The following ZNF439 variants were observed in gnomAD, a reference collection of about 807,000 sequenced individuals.
ZNF439 encodes the protein zinc finger protein 439.
Under a neutral mutation model 47.3 loss-of-function variants are expected in ZNF439, and 40 were observed. That is an observed-to-expected ratio of 0.85 (90% CI 0.66 to 1.10). The LOEUF (loss-of-function observed/expected upper bound fraction) is 1.10, where lower values mean the gene tolerates loss of function less well. Among genes scored for constraint, ZNF439 ranks in the 50% least tolerant of loss-of-function variants. The pLI is 0.00. For synonymous variants in ZNF439, 171 were observed against 198.8 expected, an observed-to-expected ratio of 0.86 and a Z score of 1.18; for missense variants, 556 against 601.1, an observed-to-expected ratio of 0.93 and a Z score of 0.78.
At chr19:11,849,178 C>G in intron 1 of ZNF439, 1 of 1,074,400 alleles carries the variant, frequency 9.3e-7, no homozygotes, top group Non-Finnish European at 1.1e-6. Context: ...GCCCGCAGCC[C>G]GACGCCCCAG....
intron 1 of ZNF439, chr19:11,849,488 G>GT (rs1976171703): frequency 5.3e-6 from 1 of 188,432 alleles, no homozygotes. Flanking sequence ...GCAGCCTGGA[G>GT]TAAGTGGTCC....
At chr19:11,863,682 T>G (rs1976600671) in intron 1 of ZNF439, among the ~76,000 whole-genome samples, 1 of 152,196 alleles carries the variant, frequency 6.6e-6, no homozygotes, top group South Asian at 2.1e-4. Flanking sequence ...TTTTTTGTGT[T>G]GTGTGTGAAA....
intron 1 of ZNF439, 73 bp from the exon 2 acceptor site, chr19:11,866,132 C>T (rs371541283): frequency 2.5e-5 from 40 of 1,597,256 alleles, no homozygotes; most frequent in Middle Eastern, 3.4e-4. Flanking sequence ...CTGAGAACTT[C>T]TTGGGAATAG....
chr19:11,860,158 T>G (rs1308805020), intron 1 of ZNF439, among the ~76,000 whole-genome samples: 1 of 152,158 alleles, frequency 6.6e-6, no homozygotes, highest in African/African-American at 2.4e-5. Context: ...AGTAAAACTT[T>G]AAGCAACTGC....
rs146335865 is a variant in ZNF439, at chr19:11,851,337, C to T, written c.63+2407C>T. 1.2e-4 allele frequency among the ~76,000 whole-genome samples: 18 copies of T among 152,306 alleles called. No individual in the cohort carries two copies. In the East Asian group the frequency reaches 3.5e-3, roughly 29 times the overall value. On this transcript the variant is annotated intron_variant, in intron 1 of 3. Transcript: ENST00000682736. ...AAACTATCCTTTACATTTTAGTGCA[C>T]AAGTGCATTAAAGCATAACTATAAT...
At chr19:11,856,420 T>C (rs1378622901) in intron 1 of ZNF439, 1 of 152,198 alleles carries the variant, frequency 6.6e-6, no homozygotes, top group African/African-American at 2.4e-5. Context: ...CCGTTTTTAA[T>C]TGTTTAGGGA....
intron 1 of ZNF439, among the ~76,000 whole-genome samples, chr19:11,859,852 GGTACT>G (rs1218621641): frequency 6.6e-6 from 1 of 152,054 alleles, no homozygotes; most frequent in Non-Finnish European, 1.5e-5. Context: ...ATTTTCAGTT[GGTACT>G]GTGGGTGGGA....
Position 11,868,894 on chromosome 19 carries a change from G to A in ZNF439, c.*325G>A, listed in dbSNP as rs1042464727. ...CATGAAAGTTGCACAGAGGAGAGGC[G>A]CCCTAAGAATGTAAGCATTGTGGGA... On this transcript the variant is annotated 3_prime_UTR_variant, in exon 4 of 4. Coordinates refer to ENST00000682736, the MANE Select transcript of ZNF439 (RefSeq NM_001348719.2). 3.7e-5 allele frequency: 13 copies of A among 354,046 alleles called. No individual in the cohort carries two copies. The highest frequency in any genetic ancestry group is 6.1e-5 in the Non-Finnish European group (11 of 180,450). The allele number at this position is 354,046 out of a possible 1,614,324, so 21.9% of individuals were successfully genotyped here.
chr19:11,868,230 T>TTACA lies in ZNF439; in HGVS notation c.1176_1177insTACA (p.Gly393TyrfsTer3), dbSNP rs1976762657. 1 of 1,613,976 alleles carries TTACA rather than the reference T, an allele frequency of 6.2e-7. No individual in the cohort carries two copies. The highest frequency in any genetic ancestry group is 1.3e-5 in the African/African-American group (1 of 74,900). ...AGAAACCGTATAAATGCAAGCAATG[T>TTACA]GGTAAAGCCTTCACTCGTTCCGGTT... is the stretch of plus-strand genomic sequence containing the variant. On this transcript the variant is annotated frameshift_variant, in exon 4 of 4. Transcript: ENST00000682736. LOFTEE classifies it high-confidence loss of function.
At position 11,867,771 on chromosome 19, in the gene ZNF439, A is replaced by G. The variant is rs1568261917; in HGVS notation, c.717A>G (p.Arg239=). The G allele has an allele frequency of 1.5e-5, 24 of 1,614,150 alleles. No individual in the cohort carries two copies. Among genetic ancestry groups the G allele is most frequent in the Non-Finnish European group, 2.0e-5 (24 of 1,180,008 alleles). ...TCAGTTTATATCTTATCCATGAAAG[A>G]ACTCACACTGGAGAGAAACCGTATG... ...HCLSLYLIHE[R]THTGEKPYEC... The change falls in exon 4 of 4, where the codon AGA becomes AGG. Residue 239 remains arginine, a synonymous_variant. Coordinates refer to ENST00000682736, the MANE Select transcript of ZNF439 (RefSeq NM_001348719.2).
At chr19:11,859,098 A>G (rs1280573467) in intron 1 of ZNF439, among the ~76,000 whole-genome samples, 3 of 152,164 alleles carry the variant, frequency 2.0e-5, no homozygotes, top group Non-Finnish European at 4.4e-5. Flanking sequence ...TTTACAATCT[A>G]CGTTTGCATT....
chr19:11,857,921 T>C (rs1310278596), intron 1 of ZNF439: 8 of 152,184 alleles, frequency 5.3e-5, no homozygotes, highest in Non-Finnish European at 7.3e-5. Context: ...GAATAACTGA[T>C]GTAAGATTTG....
chr19:11,864,921 C>T (rs968848422), intron 1 of ZNF439, among the ~76,000 whole-genome samples: 1 of 151,946 alleles, frequency 6.6e-6, no homozygotes, highest in Non-Finnish European at 1.5e-5. Context: ...GCTGGGATTA[C>T]AGGCATGCGC....
chr19:11,859,797 A>T (rs1188578581), intron 1 of ZNF439, among the ~76,000 whole-genome samples: 1 of 152,032 alleles, frequency 6.6e-6, no homozygotes, highest in Admixed American at 6.6e-5. Flanking sequence ...CTGCTATTGG[A>T]GGGGGCGGTA....
intron 1 of ZNF439, among the ~76,000 whole-genome samples, chr19:11,852,175 C>T (rs1189327015): frequency 6.6e-6 from 1 of 152,122 alleles, no homozygotes; most frequent in East Asian, 1.9e-4. Flanking sequence ...CCTGTAACCC[C>T]AGCACTTTGG....
In ZNF439 at chr19:11,867,470, C is replaced by G; in HGVS notation, c.416C>G (p.Ser139Cys). The G allele has an allele frequency of 6.2e-7, 1 of 1,614,118 alleles. No individual in the cohort carries two copies. The highest frequency in any genetic ancestry group is 8.5e-7 in the Non-Finnish European group (1 of 1,180,016). Residue 139 changes from serine (S) to cysteine (C), a missense_variant, in exon 4 of 4, where the codon TCT (serine) becomes TGT (cysteine). Coordinates refer to ENST00000682736, the MANE Select transcript of ZNF439 (RefSeq NM_001348719.2). ...TGTGAAGTTGGCCTAGGTAACTCATCTTCTAATATGAACATCAGAGGTGAC... is the reference window on the plus strand; with the variant it reads ...TGTGAAGTTGGCCTAGGTAACTCATGTTCTAATATGAACATCAGAGGTGAC... ...FVCEVGLGNSSSNMNIRGDTG... is the reference protein window; with the variant it reads ...FVCEVGLGNSCSNMNIRGDTG...
rs1259713812 is a variant in ZNF439, at chr19:11,866,300, G to A, written c.159G>A (p.Met53Ile). The A allele has an allele frequency of 1.9e-6, 3 of 1,614,020 alleles. No individual in the cohort carries two copies. The African/African-American group carries it at 4.0e-5, about 22-fold the overall frequency. The part of the protein sequence containing the change: ...ISQKNLYREV[M>I]LETFWNLTSI... ...AGAAGAATCTCTACAGGGAAGTGAT[G>A]CTGGAAACTTTCTGGAACCTGACCT... Residue 53 changes from methionine (M) to isoleucine (I), a missense_variant, in exon 2 of 4, where the codon ATG (methionine) becomes ATA (isoleucine). Met to Ile is a conservative substitution (Grantham distance 10, BLOSUM62 1). Transcript: ENST00000682736.
chr19:11,856,974 G>A (rs889940478), intron 1 of ZNF439: 27 of 152,286 alleles, frequency 1.8e-4, no homozygotes, highest in African/African-American at 3.4e-4. Context: ...CTACATTTAC[G>A]ACATAGGCTG....
At chr19:11,861,978 T>A (rs1238811438) in intron 1 of ZNF439, among the ~76,000 whole-genome samples, 1 of 152,214 alleles carries the variant, frequency 6.6e-6, no homozygotes, top group Non-Finnish European at 1.5e-5. Flanking sequence ...CTTTTCTTGG[T>A]CCTGGGTGGC....
Sources: gnomAD v4.1 joint callset for allele counts (sites outside exome capture counted in the v4.1 genomes callset) on GRCh38, gnomAD v4.1.1 for gene constraint, MANE v1.5 for transcripts, NCBI Gene and HGNC (gene_info 2026-07-23, HGNC 2026-07-21) for gene names.